BTG3: variants seen among roughly 807,000 people sequenced by gnomAD.
BTG3 encodes the protein BTG anti-proliferation factor 3.
A neutral mutation model predicts 25.8 loss-of-function variants in BTG3; 4 were observed. That is an observed-to-expected ratio of 0.16 (90% CI 0.08 to 0.36). BTG3 has a LOEUF of 0.36. Among genes scored for constraint, BTG3 ranks in the 10% least tolerant of loss-of-function variants. The probability of loss-of-function intolerance (pLI) is 1.00; values close to 1 mark genes in which losing one functional copy is unlikely to be tolerated. For synonymous variants in BTG3, 107 were observed against 99.9 expected, an observed-to-expected ratio of 1.07 and a Z score of -0.42; for missense variants, 201 against 304.9, an observed-to-expected ratio of 0.66 and a Z score of 2.54.
chr21:17,607,761 A>G (rs1296918081), intron 2 of BTG3, among the ~76,000 whole-genome samples: 19 of 152,222 alleles, frequency 1.2e-4, no homozygotes, highest in Admixed American at 1.2e-3. Context: ...AGTTATCACT[A>G]TAGTCACTGT....
chr21:17,608,990 G>A lies in BTG3; in HGVS notation c.155C>T (p.Ser52Leu), dbSNP rs773659238. ...YKNHWYPEKPSKGQAYRCIRV... is the reference protein window; with the variant it reads ...YKNHWYPEKPLKGQAYRCIRV... ...CCTTTACCTGTAGGCCTGTCCTTTC[G>A]ATGGTTTTTCTGGATACCAGTGATT... Residue 52 changes from serine to leucine, a missense_variant, in exon 2 of 5, where the codon TCG (serine) becomes TTG (leucine). Ser to Leu is a moderately radical substitution (Grantham distance 145). Coordinates refer to ENST00000348354, the MANE Select transcript of BTG3 (RefSeq NM_006806.5). 1.2e-6 allele frequency: 2 copies of A among 1,613,240 alleles called. No individual in the cohort carries two copies.
chr21:17,609,032 A>T lies in BTG3; in HGVS notation c.113T>A (p.Leu38His). 6.2e-7 allele frequency: 1 copy of T among 1,613,860 alleles called. No individual in the cohort carries two copies. Among genetic ancestry groups the T allele is most frequent in the Non-Finnish European group, 8.5e-7 (1 of 1,179,936 alleles). The part of the protein sequence containing the change: ...ERFAEKLTLI[L>H]QEKYKNHWYP... Reference sequence around the variant, plus strand: ...CCAGTGATTTTTATATTTTTCTTGAAGTATTAGGGTCAATTTCTCAGCAAA... The same window carrying T: ...CCAGTGATTTTTATATTTTTCTTGATGTATTAGGGTCAATTTCTCAGCAAA... The change falls in exon 2 of 5, where the codon CTT becomes CAT. Residue 38 changes from leucine (L) to histidine (H), a missense_variant. By Grantham distance (99) the Leu-to-His change is moderately conservative. Around this residue, in one of 2 missense-constraint regions of BTG3, gnomAD observed 70 missense variants for 175.7 expected, o/e 0.40. Coordinates refer to ENST00000348354, the MANE Select transcript of BTG3 (RefSeq NM_006806.5).
chr21:17,596,844 C>T (rs2061510458), intron 4 of BTG3, among the ~76,000 whole-genome samples: 1 of 152,070 alleles, frequency 6.6e-6, no homozygotes. Flanking sequence ...ACACAATCTT[C>T]ATTTCTTCGT....
chr21:17,604,243 G>A (rs1253896875), intron 3 of BTG3: 1 of 494,218 alleles, frequency 2.0e-6, no homozygotes, highest in Non-Finnish European at 3.3e-6. Flanking sequence ...GAGTTTGAGA[G>A]CAGTCTGGCC....
At chr21:17,611,281 CCACACTAAA>C (rs2061719506) in intron 1 of BTG3, among the ~76,000 whole-genome samples, 1 of 152,192 alleles carries the variant, frequency 6.6e-6, no homozygotes, top group Non-Finnish European at 1.5e-5. Flanking sequence ...AAACAAGGAA[CCACACTAAA>C]GAAATGTACT....
At chr21:17,606,909 A>G (rs1601102820) in intron 2 of BTG3, among the ~76,000 whole-genome samples, 2 of 152,296 alleles carry the variant, frequency 1.3e-5, no homozygotes, top group Non-Finnish European at 2.9e-5. Context: ...AAAGGTATGA[A>G]TATTTTTATA....
chr21:17,605,940 G>A lies in BTG3; in HGVS notation c.174-943C>T, dbSNP rs550054894. ...TAAAACATGGAAATACAAGTTAATT[G>A]ATGAATAGTAATTACGCTGTAAAAT... On this transcript the variant is annotated intron_variant, in intron 2 of 4. Coordinates refer to ENST00000348354, the MANE Select transcript of BTG3 (RefSeq NM_006806.5). Among the ~76,000 whole-genome samples the A allele has an allele frequency of 2.0e-5, 3 of 152,204 alleles. No homozygotes were observed. The South Asian group carries it at 6.2e-4, about 32-fold the overall frequency.
intron 3 of BTG3, among the ~76,000 whole-genome samples, chr21:17,600,971 G>A (rs902521326): frequency 6.6e-6 from 1 of 152,194 alleles, no homozygotes; most frequent in Admixed American, 6.5e-5. Flanking sequence ...AGGCCAGCCT[G>A]GCCAACATGG....
chr21:17,600,381 ACT>A (rs1252621929), intron 3 of BTG3, among the ~76,000 whole-genome samples: 3 of 152,212 alleles, frequency 2.0e-5, no homozygotes, highest in South Asian at 2.1e-4. Flanking sequence ...AAAATAAGTA[ACT>A]CTAAGTAGAA....
At chr21:17,595,718 C>G (rs1397387824) in intron 4 of BTG3, among the ~76,000 whole-genome samples, 1 of 151,860 alleles carries the variant, frequency 6.6e-6, no homozygotes, top group Admixed American at 6.6e-5. Context: ...ACGAACAAAA[C>G]AATGCTGCAA....
Position 17,594,225 on chromosome 21 carries a change from A to T in BTG3, c.627T>A (p.Val209=), listed in dbSNP as rs2061473065. 6.2e-7 allele frequency: 1 copy of T among 1,613,410 alleles called. No homozygotes were observed. Among genetic ancestry groups the T allele is most frequent in the Non-Finnish European group, 8.5e-7 (1 of 1,179,454 alleles). ...TTCCCTGATTTGGATAACCAAATGG[A>T]ACAGGAGGAGGATAGTGATTCTGAT... ...NGHQNHYPPP[V]PFGYPNQGRK... The change falls in exon 5 of 5, where the codon GTT becomes GTA. Residue 209 remains valine (V), a synonymous_variant. Transcript: ENST00000348354.
chr21:17,606,908 A>G (rs76546787), intron 2 of BTG3, among the ~76,000 whole-genome samples: 3,209 of 152,256 alleles, frequency 0.021, 105 homozygotes, highest in African/African-American at 0.071. Flanking sequence ...AAAAGGTATG[A>G]ATATTTTTAT....
chr21:17,612,439 A>G (rs2061743945), intron 1 of BTG3: 1 of 152,148 alleles, frequency 6.6e-6, no homozygotes, highest in South Asian at 2.1e-4. Flanking sequence ...ACGTGGCAGG[A>G]GCCCTGAGGC....
At chr21:17,604,413 C>T (rs2061612483) in intron 3 of BTG3, 1 of 182,482 alleles carries the variant, frequency 5.5e-6, no homozygotes, top group Non-Finnish European at 1.2e-5. Context: ...CCATTGCGCT[C>T]CAGCCTGGGC....
At chr21:17,612,036 C>G (rs2061734003) in intron 1 of BTG3, 1 of 152,360 alleles carries the variant, frequency 6.6e-6, no homozygotes, top group South Asian at 2.1e-4. Context: ...GTTGGACTTT[C>G]TGAAGCCATC....
At position 17,594,280 on chromosome 21, in the gene BTG3, T is replaced by C. The variant is rs748774075; in HGVS notation, c.572A>G (p.Lys191Arg). Residue 191 changes from lysine to arginine, a missense_variant, in exon 5 of 5, where the codon AAA (lysine) becomes AGA (arginine). By Grantham distance (26) the Lys-to-Arg change is conservative. Coordinates refer to ENST00000348354, the MANE Select transcript of BTG3 (RefSeq NM_006806.5). ...ATTCCCTCGATACATTCCTGGCTTT[T>C]TTCTGGGCAAAGGGTGCCACATTGG... ...PLPMWHPLPR[K>R]KPGMYRGNGH... The C allele has an allele frequency of 2.6e-5, 42 of 1,613,262 alleles. No individual in the cohort carries two copies. Among genetic ancestry groups the C allele is most frequent in the Non-Finnish European group, 3.5e-5 (41 of 1,179,374 alleles).
At chr21:17,602,899 TAAA>T (rs2061592139) in intron 3 of BTG3, among the ~76,000 whole-genome samples, 1 of 152,220 alleles carries the variant, frequency 6.6e-6, no homozygotes, top group Non-Finnish European at 1.5e-5. Context: ...TCCTTGGACA[TAAA>T]AACTTTCCCC....
chr21:17,594,447 GACACTCCTA>G, intron 4 of BTG3, 115 bp from the exon 5 acceptor site: 6 of 1,242,106 alleles, frequency 4.8e-6, no homozygotes, highest in Non-Finnish European at 6.7e-6. Flanking sequence ...ACATCTAAGT[GACACTCCTA>G]TTGTCAGGTC....
chr21:17,609,591 A>G (rs1392890143), intron 1 of BTG3, among the ~76,000 whole-genome samples: 1 of 152,252 alleles, frequency 6.6e-6, no homozygotes, highest in African/African-American at 2.4e-5. Context: ...GAGCTATTTT[A>G]TAACAGAAAA....
Sources: gnomAD v4.1 joint callset for allele counts (sites outside exome capture counted in the v4.1 genomes callset) on GRCh38, gnomAD v4.1.1 for gene constraint, gnomAD v4.1.1 regional missense constraint, MANE v1.5 for transcripts, NCBI Gene and HGNC (gene_info 2026-07-23, HGNC 2026-07-21) for gene names.